RERE: variants seen among roughly 807,000 people sequenced by gnomAD.
RERE encodes arginine-glutamic acid dipeptide repeats protein.
In RERE, 40 loss-of-function variants were observed where a neutral mutation model predicts 146.1. The ratio of observed to expected loss-of-function variants is 0.27; its 90% CI spans 0.21 to 0.36. The LOEUF is 0.36. RERE is among the 10% of genes least tolerant of loss of function. The probability of loss-of-function intolerance (pLI) is 1.00; values close to 1 mark genes in which losing one functional copy is unlikely to be tolerated. For synonymous variants in RERE, 1,003 were observed against 866.0 expected (o/e 1.16, Z -2.78); for missense variants, 1,933 against 2,138.7 (o/e 0.90, Z 1.90).
chr1:8,592,930 T>C (rs1646512675), intron 4 of RERE, among the ~76,000 whole-genome samples: 1 of 152,194 alleles, frequency 6.6e-6, no homozygotes, highest in African/African-American at 2.4e-5. Flanking sequence ...ATCTCTTCTA[T>C]CATTCTACTC....
intron 1 of RERE, among the ~76,000 whole-genome samples, chr1:8,790,041 T>C (rs934884032): frequency 2.6e-5 from 4 of 152,362 alleles, no homozygotes; most frequent in South Asian, 4.1e-4. Flanking sequence ...GTAACTTTTA[T>C]TTCTTTTGTA....
At chr1:8,548,878 G>C (rs768307320) in intron 6 of RERE, among the ~76,000 whole-genome samples, 1 of 152,100 alleles carries the variant, frequency 6.6e-6, no homozygotes, top group South Asian at 2.1e-4. Context: ...TCAGCCACTC[G>C]GGAGGCTGAA....
chr1:8,774,517 C>A (rs1641021616), intron 1 of RERE, among the ~76,000 whole-genome samples: 1 of 151,814 alleles, frequency 6.6e-6, no homozygotes, highest in African/African-American at 2.4e-5. Flanking sequence ...CCACGCCCGG[C>A]TAATTTTGTA....
chr1:8,414,497 G>C (rs1460827343), intron 12 of RERE, among the ~76,000 whole-genome samples: 1 of 151,970 alleles, frequency 6.6e-6, no homozygotes, highest in Admixed American at 6.6e-5. Flanking sequence ...TGGAGGTTGC[G>C]GTGAGCTGAG....
chr1:8,646,401 G>A (rs80010783), intron 2 of RERE, among the ~76,000 whole-genome samples: 63 of 152,070 alleles, frequency 4.1e-4, no homozygotes, highest in African/African-American at 1.5e-3. Context: ...GCACAGTGCC[G>A]TGCACCTGTA....
intron 1 of RERE, among the ~76,000 whole-genome samples, chr1:8,809,105 T>G (rs1301236401): frequency 1.5e-5 from 2 of 130,856 alleles, no homozygotes; most frequent in African/African-American, 6.0e-5. Context: ...ACCACTGCAC[T>G]CCAGCCTGGG....
chr1:8,550,130 G>A (rs1049612971), intron 6 of RERE, among the ~76,000 whole-genome samples: 11 of 152,192 alleles, frequency 7.2e-5, no homozygotes, highest in Admixed American at 5.9e-4. Flanking sequence ...GAGGTTAGGG[G>A]AGGGATATAT....
chr1:8,447,462 C>T (rs777438701), intron 11 of RERE, among the ~76,000 whole-genome samples: 1 of 152,086 alleles, frequency 6.6e-6, no homozygotes, highest in Non-Finnish European at 1.5e-5. Flanking sequence ...ATGTTGGTGA[C>T]CTTCAGATGG....
chr1:8,602,329 T>G (rs925080474), intron 4 of RERE, among the ~76,000 whole-genome samples: 2 of 150,984 alleles, frequency 1.3e-5, no homozygotes, highest in East Asian at 3.9e-4. Context: ...AGGTGAACGC[T>G]GCAGTGAGCT....
chr1:8,579,954 A>C (rs1646343361), intron 4 of RERE, among the ~76,000 whole-genome samples: 2 of 152,238 alleles, frequency 1.3e-5, no homozygotes, highest in South Asian at 4.1e-4. Flanking sequence ...CAGTGAACTG[A>C]GATCGCGTCT....
chr1:8,641,667 A>C (rs561755484), intron 2 of RERE, among the ~76,000 whole-genome samples: 1 of 152,328 alleles, frequency 6.6e-6, no homozygotes, highest in South Asian at 2.1e-4. Context: ...TGCTGAACAA[A>C]GAAGGTCTTC....
chr1:8,510,107 G>C (rs1343935867), intron 7 of RERE, among the ~76,000 whole-genome samples: 1 of 152,134 alleles, frequency 6.6e-6, no homozygotes, highest in African/African-American at 2.4e-5. Flanking sequence ...AGACGAAGAA[G>C]AGGAAGAAGA....
chr1:8,499,891 G>T (rs574333524), intron 8 of RERE, among the ~76,000 whole-genome samples: 1 of 151,630 alleles, frequency 6.6e-6, no homozygotes, highest in African/African-American at 2.4e-5. Flanking sequence ...AGGCCGAGGC[G>T]GGCAGATCAC....
At chr1:8,764,703 T>C (rs1328973839) in intron 1 of RERE, among the ~76,000 whole-genome samples, 3 of 152,180 alleles carry the variant, frequency 2.0e-5, no homozygotes, top group Non-Finnish European at 4.4e-5. Flanking sequence ...CAGATTTCTA[T>C]TTTTAAAAGA....
At chr1:8,511,873 GA>G in intron 7 of RERE, 1 of 151,572 alleles carries the variant, frequency 6.6e-6, no homozygotes, top group Non-Finnish European at 1.5e-5. Context: ...CTGGCACATG[GA>G]AAAAGCACCC....
chr1:8,694,710 G>A (rs1274845157), intron 1 of RERE, among the ~76,000 whole-genome samples: 1 of 151,820 alleles, frequency 6.6e-6, no homozygotes, highest in Non-Finnish European at 1.5e-5. Context: ...AATGAGCCAA[G>A]ATCATACCTC....
chr1:8,587,054 T>C (rs968655623), intron 4 of RERE, among the ~76,000 whole-genome samples: 9 of 152,160 alleles, frequency 5.9e-5, no homozygotes, highest in African/African-American at 2.2e-4. Flanking sequence ...AAGCTTCTGA[T>C]AGAACAAGCC....
intron 1 of RERE, among the ~76,000 whole-genome samples, chr1:8,706,113 CAAAAAAAAAAAAAAAAA>C (rs61016240): frequency 2.9e-5 from 2 of 69,190 alleles, no homozygotes; most frequent in African/African-American, 1.2e-4. Flanking sequence ...ACTCCGTCTC[CAAAAAAAAAAAAAAAAA>C]AAAAAAAAGA....
intron 1 of RERE, among the ~76,000 whole-genome samples, chr1:8,803,643 G>C (rs1312197337): frequency 1.3e-5 from 2 of 151,934 alleles, no homozygotes; most frequent in Non-Finnish European, 2.9e-5. Context: ...GTGCAATGCA[G>C]CCTTGACCTC....
Sources: allele counts gnomAD v4.1 joint callset (sites outside exome capture counted in the v4.1 genomes callset), GRCh38; gene constraint gnomAD v4.1.1; transcripts MANE v1.5; gene names NCBI Gene and HGNC (gene_info 2026-07-23, HGNC 2026-07-21).